The following CREB3L2 variants were observed in gnomAD, a reference collection of about 807,000 sequenced individuals.
The protein encoded by CREB3L2 is cAMP responsive element binding protein 3 like 2.
A neutral mutation model predicts 57.2 loss-of-function variants in CREB3L2; 23 were observed. That is an observed-to-expected ratio of 0.40 (90% confidence interval 0.29 to 0.57). The LOEUF (loss-of-function observed/expected upper bound fraction) is 0.57, where lower values mean the gene tolerates loss of function less well. Among genes scored for constraint, CREB3L2 ranks in the 20% least tolerant of loss-of-function variants. The pLI, the probability that CREB3L2 is intolerant of heterozygous loss-of-function variation, is 0.42. For synonymous variants in CREB3L2, 268 were observed against 265.1 expected (o/e 1.01, Z -0.11); for missense variants, 628 against 634.7 (o/e 0.99, Z 0.11).
At chr7:137,901,739 C>T (rs1799762546) in intron 7 of CREB3L2, among the ~76,000 whole-genome samples, 3 of 151,338 alleles carry the variant, frequency 2.0e-5, no homozygotes, top group African/African-American at 4.8e-5. Flanking sequence ...ATTAGCTGGG[C>T]GTGGTGGCAC....
At chr7:137,920,315 A>G (rs1352064949) in intron 2 of CREB3L2, among the ~76,000 whole-genome samples, 1 of 152,224 alleles carries the variant, frequency 6.6e-6, no homozygotes, top group Non-Finnish European at 1.5e-5. Flanking sequence ...TTTTGCCATC[A>G]GCATGAGAAG....
intron 1 of CREB3L2, among the ~76,000 whole-genome samples, chr7:137,990,661 GT>G (rs1420838044): frequency 1.3e-5 from 2 of 152,100 alleles, no homozygotes; most frequent in African/African-American, 4.8e-5. Context: ...TCTATGATTG[GT>G]AACCTTGGAT....
At chr7:137,897,057 C>T (rs768791550) in intron 8 of CREB3L2, among the ~76,000 whole-genome samples, 1 of 151,838 alleles carries the variant, frequency 6.6e-6, no homozygotes, top group East Asian at 1.9e-4. Context: ...ATTAAAAATG[C>T]CATATTATAT....
intron 8 of CREB3L2, among the ~76,000 whole-genome samples, chr7:137,891,366 CTTTGG>C (rs1432387371): frequency 6.6e-6 from 1 of 152,172 alleles, no homozygotes; most frequent in Non-Finnish European, 1.5e-5. Context: ...TTTTCTTTGT[CTTTGG>C]TTTAATTTTG....
At chr7:137,970,047 G>C (rs918860186) in intron 1 of CREB3L2, among the ~76,000 whole-genome samples, 4 of 152,112 alleles carry the variant, frequency 2.6e-5, no homozygotes, top group Non-Finnish European at 5.9e-5. Flanking sequence ...CACTGTTATG[G>C]GGGGGTTAGA....
intron 1 of CREB3L2, among the ~76,000 whole-genome samples, chr7:137,963,389 G>A (rs536250968): frequency 1.3e-5 from 2 of 152,120 alleles, no homozygotes; most frequent in East Asian, 1.9e-4. Context: ...AAACCAGTAC[G>A]GTATTCACTT....
Position 137,901,370 on chromosome 7 carries a change from G to T in CREB3L2, c.1027C>A (p.Leu343Ile). The T allele has an allele frequency of 6.2e-7, 1 of 1,600,842 alleles. No homozygotes were observed. The change falls in exon 8 of 12, where the codon CTA becomes ATA. Residue 343 changes from leucine (L) to isoleucine (I), a missense_variant. By Grantham distance (5) the Leu-to-Ile change is conservative. Around this residue, in one of 3 missense-constraint regions of CREB3L2, gnomAD observed 272 missense variants for 242.7 expected, o/e 1.12. Coordinates refer to ENST00000330387, the MANE Select transcript of CREB3L2 (RefSeq NM_194071.4). ...GACACTTACCTATTAGTGTTCTCTA[G>T]AACCTCTACCTTCTTCCGAAGCTCC... Reference protein sequence around the residue: ...NLELRKKVEVLENTNRTLLQQ... With the variant: ...NLELRKKVEVIENTNRTLLQQ...
At position 137,980,891 on chromosome 7, in the gene CREB3L2, C is replaced by T. The variant is rs1040962211; in HGVS notation, c.102+20713G>A. Among the ~76,000 whole-genome samples, 7 of 152,262 alleles carry T rather than the reference C, an allele frequency of 4.6e-5. No homozygotes were observed. The highest frequency in any genetic ancestry group is 1.7e-4 in the African/African-American group (7 of 41,564). On this transcript the variant is annotated intron_variant, in intron 1 of 11. Transcript: ENST00000330387. This position sits in a 1 kb window ranked among gnomAD's most constrained non-coding sequence, Gnocchi z 4.3. Reference sequence around the variant, plus strand: ...CCTCCACAATGTGACCCCCCTTTGTCGCCAGCTACTCCATACATTTAGAAA... The same window carrying T: ...CCTCCACAATGTGACCCCCCTTTGTTGCCAGCTACTCCATACATTTAGAAA...
chr7:137,890,948 T>C (rs763851973), intron 8 of CREB3L2, among the ~76,000 whole-genome samples: 2 of 152,232 alleles, frequency 1.3e-5, no homozygotes, highest in Non-Finnish European at 1.5e-5. Flanking sequence ...CAGTATAAAC[T>C]TCCTCTTTAT....
Position 137,894,860 on chromosome 7 carries a change from C to A in CREB3L2, c.1043+6494G>T, listed in dbSNP as rs1038598965. On this transcript the variant is annotated intron_variant, in intron 8 of 11. Coordinates refer to ENST00000330387, the MANE Select transcript of CREB3L2 (RefSeq NM_194071.4). The stretch of plus-strand genomic sequence containing the variant: ...GCAAGAGGTATAGCAGCAAGAGAAA[C>A]CAAAGTAAGGACCAGTTCAAAAGTT... Among the ~76,000 whole-genome samples, 3 of 152,146 alleles carry A rather than the reference C, an allele frequency of 2.0e-5. No individual in the cohort carries two copies. The South Asian group carries it at 6.2e-4, about 32-fold the overall frequency.
intron 1 of CREB3L2, among the ~76,000 whole-genome samples, chr7:137,977,262 T>C (rs1292827062): frequency 6.6e-6 from 1 of 152,150 alleles, no homozygotes; most frequent in Non-Finnish European, 1.5e-5. Context: ...CTGCCTAGAT[T>C]TTCTAGTCCA....
chr7:137,880,051 G>A lies in CREB3L2; in HGVS notation c.*425C>T. ...AACGGAGGACACGGGTCAGTGCTTT[G>A]CCAAATACCAACAGGCATTATGGCA... On this transcript the variant is annotated 3_prime_UTR_variant, in exon 12 of 12. Coordinates refer to ENST00000330387, the MANE Select transcript of CREB3L2 (RefSeq NM_194071.4). This position sits in a 1 kb window ranked among gnomAD's most constrained non-coding sequence, Gnocchi z 4.0. The A allele has an allele frequency of 3.5e-6, 1 of 282,086 alleles. No homozygotes were observed. Among genetic ancestry groups the A allele is most frequent in the Admixed American group, 4.7e-5 (1 of 21,110 alleles). 17.5% of individuals were successfully genotyped at this position (282,086 alleles called of 1,614,324 possible).
At position 137,882,473 on chromosome 7, in the gene CREB3L2, A is replaced by C; in HGVS notation, c.1426T>G (p.Phe476Val). Reference protein sequence around the residue: ...ESRPDVDLPHFIISNETSLEK... With the variant: ...ESRPDVDLPHVIISNETSLEK... ...AGGCTGGTCTCATTCGAGATAATGA[A>C]ATGGGGAAGATCCACATCCGGCCTG... Residue 476 changes from phenylalanine (F) to valine (V), a missense_variant, in exon 11 of 12, where the codon TTC becomes GTC. This residue lies in a region of CREB3L2 where 272 missense variants were observed against 242.7 expected (regional missense o/e 1.12). Transcript: ENST00000330387. 6.2e-7 allele frequency: 1 copy of C among 1,613,920 alleles called. No individual in the cohort carries two copies. The highest frequency in any genetic ancestry group is 8.5e-7 in the Non-Finnish European group (1 of 1,179,876).
chr7:137,919,727 C>T (rs1362640559), intron 2 of CREB3L2, among the ~76,000 whole-genome samples: 1 of 152,056 alleles, frequency 6.6e-6, no homozygotes, highest in Non-Finnish European at 1.5e-5. Flanking sequence ...AATATTTATG[C>T]AGACATTAAT....
intron 7 of CREB3L2, 34 bp from the exon 8 acceptor site, chr7:137,901,456 C>A (rs1358638625): frequency 7.0e-7 from 1 of 1,427,206 alleles, no homozygotes; most frequent in East Asian, 2.3e-5. Context: ...AAATTATTAT[C>A]CATAGAGCAA....
At chr7:137,992,130 T>G (rs1233551337) in intron 1 of CREB3L2, among the ~76,000 whole-genome samples, 1 of 151,978 alleles carries the variant, frequency 6.6e-6, no homozygotes, top group Non-Finnish European at 1.5e-5. Flanking sequence ...CAATTCAACA[T>G]GAGGTAACTG....
At position 137,928,181 on chromosome 7, in the gene CREB3L2, G is replaced by A. The variant is rs201782940; in HGVS notation, c.288C>T (p.Thr96=). The A allele has an allele frequency of 1.3e-6, 2 of 1,587,646 alleles. No individual in the cohort carries two copies. Among genetic ancestry groups the A allele is most frequent in the Non-Finnish European group, 1.7e-6 (2 of 1,165,242 alleles). Residue 96 remains threonine, a synonymous_variant, in exon 2 of 12, where the codon ACC becomes ACT. Transcript: ENST00000330387. ...CEEPRAQSPF[T]HITTSDSFND... ...TGAAGCTGTCACTGGTGGTAATGTG[G>A]GTGAAGGGCGACTGGGCCCGAGGCT...
chr7:137,923,112 CAG>C (rs1355169877), intron 2 of CREB3L2, among the ~76,000 whole-genome samples: 2 of 152,096 alleles, frequency 1.3e-5, no homozygotes, highest in Non-Finnish European at 2.9e-5. Flanking sequence ...GTAGTAGAAA[CAG>C]AAAATATTTA....
rs143014929 is a variant in CREB3L2, at chr7:137,907,327, T to C, written c.768+925A>G. Among the ~76,000 whole-genome samples, 1,180 of 152,296 alleles carry C rather than the reference T, an allele frequency of 7.7e-3. 3 individuals are homozygous for C. The highest frequency in any genetic ancestry group is 0.013 in the Non-Finnish European group (903 of 68,024). On this transcript the variant is annotated intron_variant, in intron 5 of 11. Coordinates refer to ENST00000330387, the MANE Select transcript of CREB3L2 (RefSeq NM_194071.4). ...GGGGAAGAGTTCCTCCATAAACATG[T>C]AGAATGGACAGATCATAGTAGTACA...
Sources: allele counts gnomAD v4.1 joint callset (sites outside exome capture counted in the v4.1 genomes callset), GRCh38; gene constraint gnomAD v4.1.1; regional missense constraint gnomAD v4.1.1; non-coding constraint Gnocchi (gnomAD v3.1); transcripts MANE v1.5; gene names NCBI Gene and HGNC (gene_info 2026-07-23, HGNC 2026-07-21).